Variants in ATP2B2 observed in about 807,000 individuals in gnomAD.
ATP2B2 encodes plasma membrane calcium-transporting ATPase 2.
In ATP2B2, 15 loss-of-function variants were observed where a neutral mutation model predicts 120.0. The ratio of observed to expected loss-of-function variants is 0.12; its 90% confidence interval spans 0.08 to 0.19. ATP2B2 has a LOEUF of 0.19. ATP2B2 is among the 10% of genes least tolerant of loss of function. The pLI, the probability that ATP2B2 is intolerant of heterozygous loss-of-function variation, is 1.00. For synonymous variants in ATP2B2, 694 were observed against 700.3 expected, an observed-to-expected ratio of 0.99 and a Z score of 0.14; for missense variants, 1,045 against 1,719.8, an observed-to-expected ratio of 0.61 and a Z score of 6.94.
At chr3:10,377,602 C>T (rs1256097324) in intron 10 of ATP2B2, among the ~76,000 whole-genome samples, 2 of 152,204 alleles carry the variant, frequency 1.3e-5, no homozygotes, top group Non-Finnish European at 2.9e-5. Flanking sequence ...CTGCAGTTAC[C>T]ACTTTAGTTG....
chr3:10,641,292 G>A (rs561282368), intron 1 of ATP2B2, among the ~76,000 whole-genome samples: 2 of 152,284 alleles, frequency 1.3e-5, no homozygotes, highest in East Asian at 3.9e-4. Flanking sequence ...TGTCTAGACT[G>A]GGGATTGCAA....
chr3:10,502,212 G>A (rs1373956185), intron 1 of ATP2B2, among the ~76,000 whole-genome samples: 1 of 152,152 alleles, frequency 6.6e-6, no homozygotes, highest in Non-Finnish European at 1.5e-5. Flanking sequence ...GCAGCAAGGT[G>A]CTCACCTGCT....
Position 10,612,284 on chromosome 3 carries a change from T to A in ATP2B2, c.-415+7633A>T, listed in dbSNP as rs192798883. ...CCCACCTTGGTCCTCTTCAATTAGC[T>A]TTTGTCACCTCTCCTTTCCAGAAGC... On this transcript the variant is annotated intron_variant, in intron 2 of 21. Transcript: ENST00000646379. Among the ~76,000 whole-genome samples the A allele has an allele frequency of 1.8e-4, 27 of 152,326 alleles. 1 individual carries two copies. The East Asian group carries it at 5.2e-3, about 29-fold the overall frequency.
intron 2 of ATP2B2, among the ~76,000 whole-genome samples, chr3:10,552,067 C>T (rs1195219529): frequency 1.3e-5 from 2 of 152,206 alleles, no homozygotes; most frequent in African/African-American, 2.4e-5. Context: ...CCTCACTGTG[C>T]CTATCCTGGG....
intron 1 of ATP2B2, among the ~76,000 whole-genome samples, chr3:10,671,040 C>T (rs895886358): frequency 6.6e-6 from 1 of 152,130 alleles, no homozygotes; most frequent in Non-Finnish European, 1.5e-5. Flanking sequence ...TTTCAAGATC[C>T]TAGAACATTT....
chr3:10,389,721 G>A (rs1475410177), intron 5 of ATP2B2, among the ~76,000 whole-genome samples: 1 of 152,200 alleles, frequency 6.6e-6, no homozygotes, highest in African/African-American at 2.4e-5. Context: ...TAATGCCATT[G>A]AACTGTACAC....
chr3:10,382,287 C>T lies in ATP2B2; in HGVS notation c.1000+2981G>A, dbSNP rs556216331. On this transcript the variant is annotated intron_variant, in intron 8 of 22. Transcript: ENST00000360273. Reference sequence around the variant, plus strand: ...TTGACCTCAAGTGATTCTCCTGCTTCGGCCTCCCAAAGTGTTGGGATTATA... The same window carrying T: ...TTGACCTCAAGTGATTCTCCTGCTTTGGCCTCCCAAAGTGTTGGGATTATA... Among the ~76,000 whole-genome samples, 7 of 144,006 alleles carry T rather than the reference C, an allele frequency of 4.9e-5. No homozygotes were observed. The East Asian group carries it at 6.2e-4, about 13-fold the overall frequency. The allele number at this position is 144,006 out of a possible 152,430, so 94.5% of individuals were successfully genotyped here. A position where few individuals can be genotyped will look rare whatever the true frequency, so the allele number is the denominator to read the frequency against.
At chr3:10,489,013 C>T (rs147959171) in intron 1 of ATP2B2, among the ~76,000 whole-genome samples, 383 of 152,320 alleles carry the variant, frequency 2.5e-3, no homozygotes, top group Non-Finnish European at 2.8e-3. Context: ...CCTACCCCTG[C>T]CTCCTCACTT....
intron 1 of ATP2B2, among the ~76,000 whole-genome samples, chr3:10,638,552 G>A (rs2070085582): frequency 6.6e-6 from 1 of 152,084 alleles, no homozygotes; most frequent in Non-Finnish European, 1.5e-5. Flanking sequence ...AGGAAATAGG[G>A]AAAAAGTGCA....
intron 3 of ATP2B2, among the ~76,000 whole-genome samples, chr3:10,526,451 C>T (rs2067094124): frequency 6.6e-6 from 1 of 152,168 alleles, no homozygotes; most frequent in African/African-American, 2.4e-5. Flanking sequence ...AAGCTATATC[C>T]CGCCCCCTCA....
At chr3:10,524,975 G>A (rs2067061844) in intron 3 of ATP2B2, among the ~76,000 whole-genome samples, 1 of 152,208 alleles carries the variant, frequency 6.6e-6, no homozygotes, top group African/African-American at 2.4e-5. Context: ...GGGCATGGGA[G>A]GCTCAGAGAT....
chr3:10,503,373 C>T (rs1354712820), intron 1 of ATP2B2, among the ~76,000 whole-genome samples: 2 of 152,250 alleles, frequency 1.3e-5, no homozygotes, highest in Non-Finnish European at 2.9e-5. Context: ...TCCTTTCCAA[C>T]TTTGGGCAGC....
intron 1 of ATP2B2, among the ~76,000 whole-genome samples, chr3:10,638,902 A>T (rs924137211): frequency 6.6e-6 from 1 of 152,250 alleles, no homozygotes; most frequent in Admixed American, 6.5e-5. Flanking sequence ...CATAAAGTGG[A>T]GATAGCAATC....
Position 10,494,255 on chromosome 3 carries a change from T to C in ATP2B2, c.-320+11210A>G, listed in dbSNP as rs936083154. Among the ~76,000 whole-genome samples the C allele has an allele frequency of 1.1e-4, 16 of 152,268 alleles. 1 individual carries two copies. The highest frequency in any genetic ancestry group is 6.5e-4 in the Admixed American group (10 of 15,298). On this transcript the variant is annotated intron_variant, in intron 1 of 22. Transcript: ENST00000360273. ...ATCCCACGACTGCTGCTACCACTGATAGCTGATTTTTTCATAGAGATTCCC... is the reference window on the plus strand; with the variant it reads ...ATCCCACGACTGCTGCTACCACTGACAGCTGATTTTTTCATAGAGATTCCC...
At chr3:10,591,133 T>G (rs1399485617) in intron 2 of ATP2B2, among the ~76,000 whole-genome samples, 1 of 152,024 alleles carries the variant, frequency 6.6e-6, no homozygotes. Flanking sequence ...GTCTTGGATT[T>G]TCCACCATGA....
At chr3:10,355,722 T>C (rs2060695527) in intron 14 of ATP2B2, among the ~76,000 whole-genome samples, 1 of 152,204 alleles carries the variant, frequency 6.6e-6, no homozygotes, top group Non-Finnish European at 1.5e-5. Context: ...CCTCAGGCCC[T>C]GGGCATGGGG....
chr3:10,496,632 C>G (rs908819675), intron 1 of ATP2B2, among the ~76,000 whole-genome samples: 1 of 152,150 alleles, frequency 6.6e-6, no homozygotes, highest in Non-Finnish European at 1.5e-5. Context: ...AACCCAAGAT[C>G]CACACACATT....
intron 1 of ATP2B2, among the ~76,000 whole-genome samples, chr3:10,461,013 T>A (rs2064465647): frequency 6.6e-6 from 1 of 152,176 alleles, no homozygotes; most frequent in South Asian, 2.1e-4. Flanking sequence ...AACAGGAAGC[T>A]AAGGCTTGGA....
chr3:10,468,390 G>A (rs867213064), intron 1 of ATP2B2, among the ~76,000 whole-genome samples: 1 of 152,216 alleles, frequency 6.6e-6, no homozygotes, highest in African/African-American at 2.4e-5. Context: ...TGAAATTTTG[G>A]CACCATCAGC....
Sources: allele counts gnomAD v4.1 joint callset (sites outside exome capture counted in the v4.1 genomes callset), GRCh38; gene constraint gnomAD v4.1.1; transcripts MANE v1.5; gene names NCBI Gene and HGNC (gene_info 2026-07-23, HGNC 2026-07-21).